CCDC3: variants seen among roughly 807,000 people sequenced by gnomAD.
CCDC3 encodes coiled-coil domain-containing protein 3.
A neutral mutation model predicts 21.4 loss-of-function variants in CCDC3; 24 were observed. That is an observed-to-expected ratio of 1.12 (90% CI 0.81 to 1.58). The LOEUF (loss-of-function observed/expected upper bound fraction) is 1.58. Ranked by LOEUF, CCDC3 falls within the 40% of genes most tolerant of loss-of-function variation. The pLI, the probability that CCDC3 is intolerant of heterozygous loss-of-function variation, is 0.00. For missense variants in CCDC3, 425 were observed against 360.9 expected (o/e 1.18, Z -1.44); for synonymous variants, 186 against 166.0 (o/e 1.12, Z -0.93).
intron 2 of CCDC3, among the ~76,000 whole-genome samples, chr10:12,944,706 A>C (rs1013333504): frequency 3.9e-5 from 6 of 152,212 alleles, no homozygotes; most frequent in Non-Finnish European, 8.8e-5. Flanking sequence ...GAAATATAAT[A>C]CAGACTCATA....
At chr10:12,904,061 T>C (rs1457699636) in intron 2 of CCDC3, among the ~76,000 whole-genome samples, 1 of 152,194 alleles carries the variant, frequency 6.6e-6, no homozygotes, top group African/African-American at 2.4e-5. Context: ...CATTTTATCA[T>C]GATTCTTTTC....
intron 5 of CCDC3, among the ~76,000 whole-genome samples, chr10:13,020,659 A>ACCATCCTT (rs917474320): frequency 9.9e-5 from 15 of 152,202 alleles, no homozygotes; most frequent in African/African-American, 3.6e-4. Flanking sequence ...GGAAAAGTCA[A>ACCATCCTT]CCATCCTTTT....
Position 12,916,225 on chromosome 10 carries a change from C to T in CCDC3, c.550-17546G>A, listed in dbSNP as rs118000392. Among the ~76,000 whole-genome samples, 8 of 152,148 alleles carry T rather than the reference C, an allele frequency of 5.3e-5. No individual in the cohort carries two copies. In the East Asian group the frequency reaches 5.8e-4, roughly 11 times the overall value. On this transcript the variant is annotated intron_variant, in intron 2 of 2. Coordinates refer to ENST00000378825, the MANE Select transcript of CCDC3 (RefSeq NM_031455.4). ...AAGGTGGGCGGATCACAAGGGCAGG[C>T]GATTGAGACCAGCCTGGCCAACATG...
chr10:13,093,227 C>T (rs749293790), intron 3 of CCDC3, among the ~76,000 whole-genome samples: 23 of 152,088 alleles, frequency 1.5e-4, no homozygotes, highest in East Asian at 7.7e-4. Context: ...ACAATCATAG[C>T]GGAAGGCGAA....
chr10:13,054,128 G>A (rs1836649340), intron 4 of CCDC3, among the ~76,000 whole-genome samples: 1 of 137,424 alleles, frequency 7.3e-6, no homozygotes, highest in African/African-American at 2.7e-5. Context: ...CTGGGTGACA[G>A]AGAGAGAGAG....
chr10:12,956,743 T>C (rs1404356547), intron 2 of CCDC3, among the ~76,000 whole-genome samples: 1 of 152,100 alleles, frequency 6.6e-6, no homozygotes, highest in African/African-American at 2.4e-5. Flanking sequence ...CTACAACTTT[T>C]AGCACAAAGG....
In CCDC3 at chr10:12,998,455, G is replaced by T; in HGVS notation, c.432C>A (p.Phe144Leu). ...TCCTTCTGTTCTCTTGAGTGTCTGGGAAGATGGCATCTTGGAAATTGACTC... is the reference window on the plus strand; with the variant it reads ...TCCTTCTGTTCTCTTGAGTGTCTGGTAAGATGGCATCTTGGAAATTGACTC... ...PHGVNFQDAI[F>L]PDTQENRRMF... Residue 144 changes from phenylalanine to leucine, a missense_variant, in exon 2 of 3, where the codon TTC becomes TTA. Transcript: ENST00000378825. 1.2e-6 allele frequency: 2 copies of T among 1,614,118 alleles called. No homozygotes were observed. Among genetic ancestry groups the T allele is most frequent in the Non-Finnish European group, 1.7e-6 (2 of 1,180,012 alleles).
At chr10:12,952,842 G>T (rs1255299007) in intron 2 of CCDC3, among the ~76,000 whole-genome samples, 4 of 152,074 alleles carry the variant, frequency 2.6e-5, no homozygotes, top group Non-Finnish European at 5.9e-5. Flanking sequence ...TCTCATCCAG[G>T]TTACCACTGT....
intron 2 of CCDC3, among the ~76,000 whole-genome samples, chr10:12,922,901 A>C (rs281855): frequency 0.37 from 56,967 of 152,010 alleles, 10,992 homozygotes; most frequent in East Asian, 0.47. Flanking sequence ...AGCCTTCCGG[A>C]CTCAGGAAAA....
intron 2 of CCDC3, among the ~76,000 whole-genome samples, chr10:12,994,668 A>C (rs1835733060): frequency 6.6e-6 from 1 of 152,188 alleles, no homozygotes; most frequent in South Asian, 2.1e-4. Context: ...CCTAAGGTTA[A>C]GGAACAATGT....
At chr10:13,011,003 A>G (rs998307937) in intron 5 of CCDC3, among the ~76,000 whole-genome samples, 1 of 152,134 alleles carries the variant, frequency 6.6e-6, no homozygotes, top group African/African-American at 2.4e-5. Context: ...AACATGGTGA[A>G]ACCCCGTCTC....
At chr10:12,968,385 C>T (rs1031549158) in intron 2 of CCDC3, among the ~76,000 whole-genome samples, 2 of 152,070 alleles carry the variant, frequency 1.3e-5, no homozygotes, top group Non-Finnish European at 2.9e-5. Context: ...GAACACTGTA[C>T]CTAGCAAGGC....
chr10:13,068,396 G>A (rs1432558445), intron 4 of CCDC3, among the ~76,000 whole-genome samples: 2 of 151,984 alleles, frequency 1.3e-5, no homozygotes, highest in Non-Finnish European at 2.9e-5. Flanking sequence ...AAGAGGATAA[G>A]CACTTGAATC....
At chr10:12,958,016 G>A (rs1457420580) in intron 2 of CCDC3, among the ~76,000 whole-genome samples, 7 of 151,834 alleles carry the variant, frequency 4.6e-5, no homozygotes, top group East Asian at 1.9e-4. Context: ...TAGTAGAGAC[G>A]GGGTTTCACC....
chr10:13,087,611 G>C (rs1211861598), intron 3 of CCDC3, among the ~76,000 whole-genome samples: 25 of 151,902 alleles, frequency 1.6e-4, no homozygotes, highest in Non-Finnish European at 3.7e-4. Flanking sequence ...TGGAAGTCTG[G>C]GGAAAAACAG....
chr10:13,029,326 A>G (rs1477726403), intron 5 of CCDC3, among the ~76,000 whole-genome samples: 1 of 152,212 alleles, frequency 6.6e-6, no homozygotes, highest in Non-Finnish European at 1.5e-5. Context: ...CCAAAACCTC[A>G]TCTGTACGTC....
chr10:12,975,368 G>T (rs1835400474), intron 2 of CCDC3, among the ~76,000 whole-genome samples: 1 of 152,168 alleles, frequency 6.6e-6, no homozygotes, highest in Admixed American at 6.5e-5. Flanking sequence ...GAACCTTCCA[G>T]AGTTCTGCTC....
At chr10:12,985,499 G>A (rs748531492) in intron 2 of CCDC3, among the ~76,000 whole-genome samples, 24 of 152,116 alleles carry the variant, frequency 1.6e-4, no homozygotes, top group African/African-American at 5.8e-4. Context: ...AACTTTATTC[G>A]TAATAGCTAA....
At chr10:12,926,110 G>C (rs533176369) in intron 2 of CCDC3, among the ~76,000 whole-genome samples, 29 of 152,356 alleles carry the variant, frequency 1.9e-4, no homozygotes, top group African/African-American at 5.3e-4. Context: ...GTAGGGACTG[G>C]AATACTGGGA....
Sources: gnomAD v4.1 joint callset for allele counts (sites outside exome capture counted in the v4.1 genomes callset) on GRCh38, gnomAD v4.1.1 for gene constraint, MANE v1.5 for transcripts, NCBI Gene and HGNC (gene_info 2026-07-23, HGNC 2026-07-21) for gene names.